Variants in N4BP2L1 observed in about 807,000 individuals in gnomAD.
N4BP2L1 encodes the protein NEDD4 binding protein 2 like 1.
A neutral mutation model predicts 21.2 loss-of-function variants in N4BP2L1; 12 were observed. The observed-to-expected ratio is 0.57, with a 90% confidence interval of 0.36 to 0.92. The LOEUF (loss-of-function observed/expected upper bound fraction) is 0.92, where lower values mean the gene tolerates loss of function less well. Among genes scored for constraint, N4BP2L1 ranks in the 40% least tolerant of loss-of-function variants. N4BP2L1 has a pLI of 0.01. For synonymous variants in N4BP2L1, 104 were observed against 112.8 expected (o/e 0.92, Z 0.49); for missense variants, 259 against 310.6 (o/e 0.83, Z 1.25).
intron 3 of N4BP2L1, chr13:32,406,765 T>C (rs2073537623): frequency 6.4e-6 from 1 of 155,194 alleles, no homozygotes; most frequent in South Asian, 2.0e-4. Context: ...CCACCACACC[T>C]GGCCCTAAAT....
chr13:32,411,756 T>C, intron 1 of N4BP2L1: 1 of 980,408 alleles, frequency 1.0e-6, no homozygotes, highest in Middle Eastern at 5.2e-4. Flanking sequence ...ACTTATTCTT[T>C]TGTGTAATTC....
chr13:32,407,785 G>C lies in N4BP2L1; in HGVS notation c.180-13C>G, dbSNP rs777750577. ...ATGCTGCAATTGTCTGGAAAGTGGA[G>C]AAATGAGAGAGAGAGATGTTTTAAA... On this transcript the variant is annotated splice_polypyrimidine_tract_variant and intron_variant, in intron 1 of 4. Transcript: ENST00000380130. The C allele has an allele frequency of 6.4e-7, 1 of 1,569,164 alleles. No homozygotes were observed. Among genetic ancestry groups the C allele is most frequent in the Non-Finnish European group, 8.6e-7 (1 of 1,162,086 alleles).
chr13:32,411,088 GTTTGT>G (rs1235185716), intron 1 of N4BP2L1, among the ~76,000 whole-genome samples: 2 of 152,062 alleles, frequency 1.3e-5, no homozygotes, highest in African/African-American at 2.4e-5. Context: ...CCAATTCACT[GTTTGT>G]TTTGTTTTAT....
upstream of N4BP2L1, among the ~76,000 whole-genome samples, chr13:32,429,447 G>A (rs183602004): frequency 5.9e-5 from 9 of 152,302 alleles, no homozygotes; most frequent in Admixed American, 2.0e-4. Flanking sequence ...TACATAAATC[G>A]TAAAAATAGT....
rs543995089 is a variant in N4BP2L1 at position 32,408,593 on chromosome 13, A to C, written c.180-821T>G. 5.9e-5 allele frequency among the ~76,000 whole-genome samples: 9 copies of C among 152,362 alleles called. 2 individuals carry two copies. The highest frequency in any genetic ancestry group is 5.9e-4 in the Admixed American group (9 of 15,304). ...CTTGCTCGTACTATCTTTTGGCAGA[A>C]GGTGGATGTCATGCTCCGCAAGAAC... On this transcript the variant is annotated intron_variant, in intron 1 of 4. Coordinates refer to ENST00000380130, the MANE Select transcript of N4BP2L1 (RefSeq NM_052818.3).
intron 1 of N4BP2L1, among the ~76,000 whole-genome samples, chr13:32,410,054 A>T (rs891870938): frequency 6.6e-6 from 1 of 152,196 alleles, no homozygotes; most frequent in Admixed American, 6.5e-5. Flanking sequence ...AATAAAAGGG[A>T]TAAGGTGGAT....
chr13:32,407,531 A>G (rs2073597598), intron 2 of N4BP2L1, 114 bp downstream of exon 2: 6 of 1,596,232 alleles, frequency 3.8e-6, no homozygotes, highest in Non-Finnish European at 5.1e-6. Context: ...GTTTTGGGGG[A>G]AAAATTGGCA....
Position 32,427,937 on chromosome 13 carries a change from C to T in N4BP2L1, c.146G>A (p.Gly49Asp). 6.6e-7 allele frequency: 1 copy of T among 1,526,374 alleles called. No individual in the cohort carries two copies. The highest frequency in any genetic ancestry group is 8.8e-7 in the Non-Finnish European group (1 of 1,135,806). 94.6% of individuals were successfully genotyped at this position (1,526,374 alleles called of 1,614,324 possible). A position where few individuals can be genotyped will look rare whatever the true frequency, so the allele number is the denominator to read the frequency against. The change falls in exon 1 of 5, where the codon GGC (glycine) becomes GAC (aspartate). Residue 49 changes from glycine to aspartate, a missense_variant. Gly to Asp is a moderately conservative substitution (Grantham distance 94). This residue lies in a region of N4BP2L1 where 91 missense variants were observed against 148.1 expected (regional missense o/e 0.61). Coordinates refer to ENST00000380130, the MANE Select transcript of N4BP2L1 (RefSeq NM_052818.3). Reference protein sequence around the residue: ...SFRKHLYLLRGLPGSGKTTLA... With the variant: ...SFRKHLYLLRDLPGSGKTTLA... ...TGTAGTTTTCCCGGAGCCCGGGAGGCCTCGCAGGAGGTAGAGGTGTTTCCT... is the reference window on the plus strand; with the variant it reads ...TGTAGTTTTCCCGGAGCCCGGGAGGTCTCGCAGGAGGTAGAGGTGTTTCCT...
At chr13:32,429,260 G>T (rs988553089), upstream of N4BP2L1, among the ~76,000 whole-genome samples, 1 of 152,196 alleles carries the variant, frequency 6.6e-6, no homozygotes, top group Non-Finnish European at 1.5e-5. Context: ...CCTTCCCCTT[G>T]GGATTTCCCT....
chr13:32,425,252 G>A (rs571852351), intron 1 of N4BP2L1: 1 of 152,176 alleles, frequency 6.6e-6, no homozygotes, highest in Non-Finnish European at 1.5e-5. Context: ...GGCCACACCT[G>A]AGCCTGCCTC....
intron 1 of N4BP2L1, among the ~76,000 whole-genome samples, chr13:32,413,491 C>T (rs1018217754): frequency 6.6e-6 from 1 of 152,122 alleles, no homozygotes; most frequent in African/African-American, 2.4e-5. Flanking sequence ...CTTCTGATTG[C>T]ACATAATGAC....
At chr13:32,413,019 G>A (rs976318163) in intron 1 of N4BP2L1, among the ~76,000 whole-genome samples, 6 of 152,126 alleles carry the variant, frequency 3.9e-5, no homozygotes, top group Admixed American at 2.6e-4. Context: ...CACCTCCCGG[G>A]TTCAATCAAT....
At chr13:32,403,554 A>G (rs567172421) in intron 4 of N4BP2L1, 35 of 412,102 alleles carry the variant, frequency 8.5e-5, no homozygotes, top group Admixed American at 6.1e-4. Flanking sequence ...TACTTATGTT[A>G]ATCAGTCCCT....
At chr13:32,405,727 T>C (rs141079051) in intron 3 of N4BP2L1, among the ~76,000 whole-genome samples, 1 of 152,046 alleles carries the variant, frequency 6.6e-6, no homozygotes, top group African/African-American at 2.4e-5. Flanking sequence ...GTGGAACTGA[T>C]GAAGATCATT....
At chr13:32,426,783 A>C (rs867278206) in intron 1 of N4BP2L1, among the ~76,000 whole-genome samples, 9 of 152,318 alleles carry the variant, frequency 5.9e-5, no homozygotes, top group Middle Eastern at 3.4e-3. Context: ...TGGCAGGGTA[A>C]GACATGGCTC....
chr13:32,402,763 A>T lies in N4BP2L1; in HGVS notation c.*179T>A. 7.2e-7 allele frequency: 1 copy of T among 1,393,614 alleles called. No individual in the cohort carries two copies. Among genetic ancestry groups the T allele is most frequent in the Non-Finnish European group, 9.3e-7 (1 of 1,075,942 alleles). 86.3% of individuals were successfully genotyped at this position (1,393,614 alleles called of 1,614,324 possible). A position where few individuals can be genotyped will look rare whatever the true frequency, so the allele number is the denominator to read the frequency against. On this transcript the variant is annotated 3_prime_UTR_variant, in exon 5 of 5. Transcript: ENST00000380130. ...CAGAATTCCCAGCATCAGACCATGCATATAGAAGCACTTTAACAAATTTTG... is the reference window on the plus strand; with the variant it reads ...CAGAATTCCCAGCATCAGACCATGCTTATAGAAGCACTTTAACAAATTTTG...
At chr13:32,408,009 T>C (rs769784528) in intron 1 of N4BP2L1, among the ~76,000 whole-genome samples, 1 of 152,224 alleles carries the variant, frequency 6.6e-6, no homozygotes, top group Non-Finnish European at 1.5e-5. Flanking sequence ...TCCTTGAAAC[T>C]AAGAGGCACA....
In N4BP2L1 at chr13:32,402,143, T is replaced by C; in HGVS notation, c.*799A>G. 1.0e-6 allele frequency: 1 copy of C among 985,048 alleles called. No homozygotes were observed. The highest frequency in any genetic ancestry group is 1.2e-6 in the Non-Finnish European group (1 of 829,570). The allele number at this position is 985,048 out of a possible 1,614,324, so 61.0% of individuals were successfully genotyped here. ...AGGCATAATTTTAGAAGTCGTTTAT[T>C]CCTTTTAAAAGTTAGTGTTTTATGA... On this transcript the variant is annotated 3_prime_UTR_variant, in exon 5 of 5. Coordinates refer to ENST00000380130, the MANE Select transcript of N4BP2L1 (RefSeq NM_052818.3).
At chr13:32,410,441 A>G (rs901015042) in intron 1 of N4BP2L1, among the ~76,000 whole-genome samples, 1 of 152,250 alleles carries the variant, frequency 6.6e-6, no homozygotes, top group Non-Finnish European at 1.5e-5. Flanking sequence ...TCTTGATGGA[A>G]GGAAGAGCAA....
Sources: gnomAD v4.1 joint callset for allele counts (sites outside exome capture counted in the v4.1 genomes callset) on GRCh38, gnomAD v4.1.1 for gene constraint, gnomAD v4.1.1 regional missense constraint, MANE v1.5 for transcripts, NCBI Gene and HGNC (gene_info 2026-07-23, HGNC 2026-07-21) for gene names.